The following ATP6V1H variants were observed in gnomAD, a reference collection of about 807,000 sequenced individuals.
The protein encoded by ATP6V1H is V-type proton ATPase subunit H.
In ATP6V1H, 39 loss-of-function variants were observed where a neutral mutation model predicts 71.7. That is an observed-to-expected ratio of 0.54 (90% CI 0.42 to 0.71). ATP6V1H has a LOEUF of 0.71. Ranked by LOEUF, ATP6V1H falls within the 30% of genes least tolerant of loss-of-function variation. The probability of loss-of-function intolerance (pLI) is 0.00; values close to 1 mark genes in which losing one functional copy is unlikely to be tolerated. For missense variants in ATP6V1H, 509 were observed against 594.9 expected (o/e 0.86, Z 1.50); for synonymous variants, 192 against 199.3 (o/e 0.96, Z 0.31).
chr8:53,722,787 A>T (rs1297061100), intron 13 of ATP6V1H, among the ~76,000 whole-genome samples: 2 of 152,144 alleles, frequency 1.3e-5, no homozygotes, highest in African/African-American at 4.8e-5. Context: ...CAGCAGTTAA[A>T]CCTACCAACT....
intron 12 of ATP6V1H, among the ~76,000 whole-genome samples, chr8:53,752,561 C>CT (rs1045457776): frequency 2.0e-5 from 3 of 151,436 alleles, no homozygotes; most frequent in African/African-American, 4.8e-5. Context: ...TCTTTTTTTT[C>CT]TTTTTTTTGA....
At chr8:53,783,452 G>A (rs1352313616) in intron 9 of ATP6V1H, among the ~76,000 whole-genome samples, 1 of 151,874 alleles carries the variant, frequency 6.6e-6, no homozygotes, top group Non-Finnish European at 1.5e-5. Context: ...TATTAGTCTT[G>A]CTAGTGCTCT....
intron 13 of ATP6V1H, among the ~76,000 whole-genome samples, chr8:53,737,959 C>G (rs1163999682): frequency 1.3e-5 from 2 of 152,108 alleles, no homozygotes; most frequent in African/African-American, 4.8e-5. Context: ...TTTTTTCCCC[C>G]ATCATGACTT....
At chr8:53,772,675 C>T (rs534294132) in intron 9 of ATP6V1H, among the ~76,000 whole-genome samples, 9 of 152,184 alleles carry the variant, frequency 5.9e-5, no homozygotes, top group Non-Finnish European at 7.4e-5. Context: ...AAAAGTTTTG[C>T]GACATTCGGG....
intron 9 of ATP6V1H, among the ~76,000 whole-genome samples, chr8:53,786,600 C>G (rs925195515): frequency 6.6e-6 from 1 of 152,164 alleles, no homozygotes; most frequent in Non-Finnish European, 1.5e-5. Flanking sequence ...AGAAATCACC[C>G]GTCTTCTGTG....
intron 12 of ATP6V1H, among the ~76,000 whole-genome samples, chr8:53,747,557 T>C (rs963928228): frequency 1.5e-4 from 22 of 151,716 alleles, no homozygotes; most frequent in African/African-American, 5.3e-4. Context: ...TTTCCTTTTT[T>C]GAGATGGAGA....
Position 53,749,743 on chromosome 8 carries a change from TA to T in ATP6V1H, c.1278-6054del, listed in dbSNP as rs200663259. Among the ~76,000 whole-genome samples, 1,256 of 137,534 alleles carry T rather than the reference TA, an allele frequency of 9.1e-3. 5 individuals carry two copies. The highest frequency in any genetic ancestry group is 0.013 in the Non-Finnish European group (791 of 62,554). The allele number at this position is 137,534 out of a possible 152,430, so 90.2% of individuals were successfully genotyped here. On this transcript the variant is annotated intron_variant, in intron 12 of 13. Coordinates refer to ENST00000359530, the MANE Select transcript of ATP6V1H (RefSeq NM_015941.4). ...AGGTGGTTTAGATGCCAGACTCCTTTAAAAAAAAAAAAAAAAGTGTAGCTGT... is the reference window on the plus strand; with the variant it reads ...AGGTGGTTTAGATGCCAGACTCCTTTAAAAAAAAAAAAAAAGTGTAGCTGT...
chr8:53,769,067 A>T (rs980186524), intron 11 of ATP6V1H, among the ~76,000 whole-genome samples: 1 of 152,180 alleles, frequency 6.6e-6, no homozygotes, highest in African/African-American at 2.4e-5. Flanking sequence ...AGAAAAAAAT[A>T]AATCCTGTTT....
chr8:53,838,828 G>GGGGAC (rs1404577240), intron 2 of ATP6V1H, among the ~76,000 whole-genome samples: 3 of 152,052 alleles, frequency 2.0e-5, no homozygotes, highest in African/African-American at 7.2e-5. Flanking sequence ...CTCGACACTG[G>GGGGAC]GGGACGCTTC....
At chr8:53,791,845 C>T (rs947686042) in intron 9 of ATP6V1H, among the ~76,000 whole-genome samples, 7 of 152,186 alleles carry the variant, frequency 4.6e-5, no homozygotes, top group Non-Finnish European at 1.0e-4. Flanking sequence ...ATAAGACCTT[C>T]GATGTCCAGC....
intron 9 of ATP6V1H, among the ~76,000 whole-genome samples, chr8:53,794,898 A>G (rs2130411991): frequency 6.6e-6 from 1 of 152,344 alleles, no homozygotes; most frequent in South Asian, 2.1e-4. Context: ...GAAAAATCTT[A>G]GAACAATGTA....
chr8:53,774,353 C>A (rs940395738), intron 9 of ATP6V1H, among the ~76,000 whole-genome samples: 4 of 152,202 alleles, frequency 2.6e-5, no homozygotes, highest in African/African-American at 9.6e-5. Flanking sequence ...AGCAAAGCTT[C>A]CATCTACTTA....
chr8:53,777,179 T>C (rs564967782), intron 9 of ATP6V1H, among the ~76,000 whole-genome samples: 1 of 152,312 alleles, frequency 6.6e-6, no homozygotes, highest in South Asian at 2.1e-4. Context: ...GCCAAAATTT[T>C]CCATCTTTAG....
chr8:53,810,608 CG>C, intron 7 of ATP6V1H, among the ~76,000 whole-genome samples: 1 of 152,102 alleles, frequency 6.6e-6, no homozygotes, highest in African/African-American at 2.4e-5. Context: ...GGTGTGGTGG[CG>C]GGCGCTTGTA....
intron 11 of ATP6V1H, among the ~76,000 whole-genome samples, chr8:53,765,248 A>C (rs1808409398): frequency 6.6e-6 from 1 of 151,952 alleles, no homozygotes; most frequent in Non-Finnish European, 1.5e-5. Context: ...CTAAAAATAC[A>C]AAAATGAGCT....
At chr8:53,795,904 A>T (rs1585797367) in intron 8 of ATP6V1H, 65 bp from the exon 9 acceptor site, 2 of 1,445,968 alleles carry the variant, frequency 1.4e-6, no homozygotes, top group Non-Finnish European at 1.9e-6. Context: ...ATAAGCAATT[A>T]TTCTCTTTTT....
At chr8:53,757,753 T>C (rs952239413) in intron 11 of ATP6V1H, among the ~76,000 whole-genome samples, 11 of 152,226 alleles carry the variant, frequency 7.2e-5, no homozygotes, top group Non-Finnish European at 1.5e-4. Flanking sequence ...AGCCCACGAT[T>C]ACCCTAAGGC....
chr8:53,719,206 T>C (rs372595623), intron 13 of ATP6V1H, among the ~76,000 whole-genome samples: 2 of 152,264 alleles, frequency 1.3e-5, no homozygotes, highest in East Asian at 3.9e-4. Context: ...AGTCTCACTT[T>C]ATTGCCCAGG....
intron 9 of ATP6V1H, among the ~76,000 whole-genome samples, chr8:53,776,432 G>A (rs1240391511): frequency 6.6e-6 from 1 of 152,218 alleles, no homozygotes; most frequent in Non-Finnish European, 1.5e-5. Context: ...AGCGAGGGCT[G>A]TGAGGACTGC....
Sources: allele counts gnomAD v4.1 joint callset (sites outside exome capture counted in the v4.1 genomes callset), GRCh38; gene constraint gnomAD v4.1.1; transcripts MANE v1.5; gene names NCBI Gene and HGNC (gene_info 2026-07-23, HGNC 2026-07-21).